ZBTB20: variants seen among roughly 807,000 people sequenced by gnomAD.
The protein encoded by ZBTB20 is zinc finger and BTB domain-containing protein 20.
ZBTB20 carries 9 observed loss-of-function variants against 56.9 expected under a neutral mutation model. That is an observed-to-expected ratio of 0.16 (90% CI 0.10 to 0.28). The LOEUF (loss-of-function observed/expected upper bound fraction) is 0.28, where lower values mean the gene tolerates loss of function less well. Among genes scored for constraint, ZBTB20 ranks in the 10% least tolerant of loss-of-function variants. The pLI, the probability that ZBTB20 is intolerant of heterozygous loss-of-function variation, is 1.00. For synonymous variants in ZBTB20, 417 were observed against 420.7 expected (o/e 0.99, Z 0.11); for missense variants, 655 against 1,003.0 (o/e 0.65, Z 4.69).
intron 1 of ZBTB20, among the ~76,000 whole-genome samples, chr3:115,121,487 G>A (rs1001376445): frequency 1.5e-4 from 23 of 151,148 alleles, no homozygotes; most frequent in African/African-American, 5.6e-4. Context: ...CAGATTATGA[G>A]GCAAAAAGAA....
At chr3:114,512,268 C>G (rs563703984) in intron 6 of ZBTB20, among the ~76,000 whole-genome samples, 1 of 150,118 alleles carries the variant, frequency 6.7e-6, no homozygotes, top group African/African-American at 2.5e-5. Flanking sequence ...AATAAAGTTT[C>G]TGAACTTATC....
chr3:114,401,240 C>T (rs1463985349), intron 7 of ZBTB20, among the ~76,000 whole-genome samples: 2 of 152,044 alleles, frequency 1.3e-5, no homozygotes, highest in Non-Finnish European at 2.9e-5. Flanking sequence ...ATCATGGGAT[C>T]TGATAACCAA....
intron 5 of ZBTB20, among the ~76,000 whole-genome samples, chr3:114,706,487 T>G (rs868086911): frequency 5.3e-5 from 8 of 152,130 alleles, no homozygotes; most frequent in African/African-American, 1.7e-4. Context: ...TGTAACATTT[T>G]CAGTGGACGA....
chr3:114,940,558 A>G (rs138501482), intron 3 of ZBTB20, among the ~76,000 whole-genome samples: 2 of 146,378 alleles, frequency 1.4e-5, no homozygotes, highest in East Asian at 3.9e-4. Context: ...GATATAATGC[A>G]TACCTATCTT....
chr3:114,972,513 G>C (rs1009239334), intron 3 of ZBTB20, among the ~76,000 whole-genome samples: 1 of 151,970 alleles, frequency 6.6e-6, no homozygotes, highest in Non-Finnish European at 1.5e-5. Context: ...TCAACTTCAT[G>C]ATCTCCAGTA....
At chr3:114,365,756 C>A (rs1016535984) in intron 10 of ZBTB20, among the ~76,000 whole-genome samples, 6 of 152,050 alleles carry the variant, frequency 3.9e-5, no homozygotes, top group African/African-American at 1.4e-4. Context: ...TATCTATTTC[C>A]ATGGTATCTA....
intron 2 of ZBTB20, among the ~76,000 whole-genome samples, chr3:115,010,866 T>C (rs1479675083): frequency 6.6e-6 from 1 of 151,924 alleles, no homozygotes; most frequent in Non-Finnish European, 1.5e-5. Flanking sequence ...GAATTCAAAA[T>C]ACCTGTGTTG....
At chr3:114,525,157 T>A (rs1161600153) in intron 6 of ZBTB20, among the ~76,000 whole-genome samples, 2 of 151,754 alleles carry the variant, frequency 1.3e-5, no homozygotes, top group African/African-American at 4.9e-5. Flanking sequence ...TGTTTGCTTT[T>A]TTTGTTGGGG....
intron 3 of ZBTB20, among the ~76,000 whole-genome samples, chr3:114,969,381 C>G (rs888898613): frequency 1.3e-5 from 2 of 151,988 alleles, no homozygotes; most frequent in Non-Finnish European, 2.9e-5. Context: ...ATACATCGAT[C>G]CTTGAAACCA....
chr3:114,545,242 A>G (rs1240868085), intron 6 of ZBTB20, among the ~76,000 whole-genome samples: 1 of 152,212 alleles, frequency 6.6e-6, no homozygotes, highest in East Asian at 1.9e-4. Context: ...TATGACTAAA[A>G]GAGCTGCTAG....
At chr3:115,041,759 T>C (rs1388538939) in intron 2 of ZBTB20, among the ~76,000 whole-genome samples, 1 of 152,134 alleles carries the variant, frequency 6.6e-6, no homozygotes, top group Non-Finnish European at 1.5e-5. Context: ...TCCAAATAAC[T>C]ATAAATTCCC....
At chr3:114,924,606 T>C (rs1030127531) in intron 3 of ZBTB20, among the ~76,000 whole-genome samples, 2 of 152,184 alleles carry the variant, frequency 1.3e-5, no homozygotes, top group Non-Finnish European at 2.9e-5. Context: ...ATTTCAGTTA[T>C]AAGTTGAACA....
rs2079128787 is a variant in ZBTB20 at position 114,328,426 on chromosome 3, C to G, written c.*10579G>C. On this transcript the variant is annotated 3_prime_UTR_variant, in exon 12 of 12. Coordinates refer to ENST00000675478, the MANE Select transcript of ZBTB20 (RefSeq NM_001348800.3). ...AAACAAGTAATTTGACTAGTGGAAA[C>G]AGTCAACATTAATGATTCTTTTTTT... The G allele has an allele frequency of 6.6e-6, 1 of 151,826 alleles. No individual in the cohort carries two copies. Among genetic ancestry groups the G allele is most frequent in the African/African-American group, 2.4e-5 (1 of 41,312 alleles). 9.4% of individuals were successfully genotyped at this position (151,826 alleles called of 1,614,324 possible).
chr3:114,722,166 GT>G, intron 5 of ZBTB20, among the ~76,000 whole-genome samples: 1 of 152,286 alleles, frequency 6.6e-6, no homozygotes, highest in East Asian at 1.9e-4. Flanking sequence ...ATGACCCAGA[GT>G]CAGACAAATA....
At chr3:114,671,195 CTTG>C (rs146811554) in intron 6 of ZBTB20, among the ~76,000 whole-genome samples, 1,607 of 152,132 alleles carry the variant, frequency 0.011, 32 homozygotes, top group African/African-American at 0.037. Flanking sequence ...TGTAAGTAAT[CTTG>C]TTGTTATATG....
At chr3:114,925,748 A>G (rs775448161) in intron 3 of ZBTB20, among the ~76,000 whole-genome samples, 9 of 151,754 alleles carry the variant, frequency 5.9e-5, no homozygotes, top group Admixed American at 3.3e-4. Context: ...GGATGATCTC[A>G]ATCTCCCGAC....
intron 7 of ZBTB20, among the ~76,000 whole-genome samples, chr3:114,457,100 C>A (rs2092067020): frequency 6.6e-6 from 1 of 152,192 alleles, no homozygotes; most frequent in South Asian, 2.1e-4. Flanking sequence ...CTTTGGCAAG[C>A]CCCAAAATAC....
chr3:114,431,397 C>T (rs192328157), intron 7 of ZBTB20, among the ~76,000 whole-genome samples: 37 of 152,166 alleles, frequency 2.4e-4, no homozygotes, highest in Admixed American at 1.9e-3. Context: ...TTCTACATTA[C>T]GTATAAAAAC....
intron 3 of ZBTB20, among the ~76,000 whole-genome samples, chr3:114,922,103 G>C (rs1432415163): frequency 6.6e-6 from 1 of 152,048 alleles, no homozygotes; most frequent in African/African-American, 2.4e-5. Flanking sequence ...GGATAACAGT[G>C]CGGGAAAAGC....
Sources: allele counts gnomAD v4.1 joint callset (sites outside exome capture counted in the v4.1 genomes callset), GRCh38; gene constraint gnomAD v4.1.1; transcripts MANE v1.5; gene names NCBI Gene and HGNC (gene_info 2026-07-23, HGNC 2026-07-21).